NR6A1: variants seen among roughly 807,000 people sequenced by gnomAD.
NR6A1 encodes the protein nuclear receptor subfamily 6 group A member 1, also known as retinoic acid receptor-related testis-associated receptor.
In NR6A1, 7 loss-of-function variants were observed where a neutral mutation model predicts 59.1. The ratio of observed to expected loss-of-function variants is 0.12; its 90% confidence interval spans 0.07 to 0.22. NR6A1 has a LOEUF of 0.22. Ranked by LOEUF, NR6A1 falls within the 10% of genes least tolerant of loss-of-function variation. NR6A1 has a pLI of 1.00. For synonymous variants in NR6A1, 243 were observed against 236.1 expected (o/e 1.03, Z -0.27); for missense variants, 468 against 611.6 (o/e 0.77, Z 2.48).
At chr9:124,662,752 G>A (rs186106558) in intron 2 of NR6A1, among the ~76,000 whole-genome samples, 7 of 152,318 alleles carry the variant, frequency 4.6e-5, no homozygotes, top group African/African-American at 1.7e-4. Context: ...GCTGTCCCAT[G>A]CAGGCTGCTT....
Position 124,733,323 on chromosome 9 carries a change from G to C in NR6A1, c.127C>G (p.Leu43Val). The change falls in exon 2 of 10, where the codon CTT (leucine) becomes GTT (valine). Residue 43 changes from leucine to valine, a missense_variant. Transcript: ENST00000487099. ...NGFCQDELAE[L>V]DPGTISVSDD... Reference sequence around the variant, plus strand: ...GAGAACTTACTAGTGCCTGGGTCAAGCTCTGCCAATTCATCCTGACAGAAA... The same window carrying C: ...GAGAACTTACTAGTGCCTGGGTCAACCTCTGCCAATTCATCCTGACAGAAA... 4 of 1,612,930 alleles carry C rather than the reference G, an allele frequency of 2.5e-6. No homozygotes were observed. Among genetic ancestry groups the C allele is most frequent in the South Asian group, 2.2e-5 (2 of 91,064 alleles).
chr9:124,722,894 T>C (rs1839603511), intron 2 of NR6A1, among the ~76,000 whole-genome samples: 1 of 152,050 alleles, frequency 6.6e-6, no homozygotes, highest in South Asian at 2.1e-4. Flanking sequence ...TTTCATCATG[T>C]TGTCCAGGCT....
Position 124,612,991 on chromosome 9 carries a change from G to A in NR6A1, c.143-58421C>T, listed in dbSNP as rs76355343. Among the ~76,000 whole-genome samples, 461 of 152,252 alleles carry A rather than the reference G, an allele frequency of 3.0e-3. 2 individuals are homozygous for A. Among genetic ancestry groups the A allele is most frequent in the African/African-American group, 0.011 (442 of 41,550 alleles). ...GAATGTACCTTACAGAAGTACTTGT[G>A]CAGGAGTGAGAAGATATTCATGGCA... is the stretch of plus-strand genomic sequence containing the variant. On this transcript the variant is annotated intron_variant, in intron 2 of 9. Coordinates refer to ENST00000487099, the MANE Select transcript of NR6A1 (RefSeq NM_033334.4).
intron 2 of NR6A1, among the ~76,000 whole-genome samples, chr9:124,610,647 A>G (rs1228565245): frequency 6.6e-6 from 1 of 152,104 alleles, no homozygotes; most frequent in African/African-American, 2.4e-5. Context: ...CTACTTTTCA[A>G]TTGTTTGGAA....
chr9:124,712,823 A>G (rs1839316553), intron 2 of NR6A1, among the ~76,000 whole-genome samples: 1 of 152,242 alleles, frequency 6.6e-6, no homozygotes, highest in Non-Finnish European at 1.5e-5. Context: ...GTAATTCACC[A>G]TATTAAGTCT....
At chr9:124,632,595 A>G (rs997032584) in intron 2 of NR6A1, among the ~76,000 whole-genome samples, 1 of 152,152 alleles carries the variant, frequency 6.6e-6, no homozygotes, top group Non-Finnish European at 1.5e-5. Flanking sequence ...TTTTAGATTT[A>G]GGAGAAAGGA....
chr9:124,644,992 A>G (rs1836889913), intron 2 of NR6A1, among the ~76,000 whole-genome samples: 1 of 152,254 alleles, frequency 6.6e-6, no homozygotes. Context: ...GTCATTACAC[A>G]TTTGCCAAAA....
At chr9:124,700,112 A>G (rs1838890927) in intron 2 of NR6A1, among the ~76,000 whole-genome samples, 1 of 151,980 alleles carries the variant, frequency 6.6e-6, no homozygotes, top group African/African-American at 2.4e-5. Flanking sequence ...AGCCTCCCAA[A>G]GTGCTAGGAT....
chr9:124,524,217 G>A (rs1213539909), intron 9 of NR6A1, among the ~76,000 whole-genome samples: 1 of 152,128 alleles, frequency 6.6e-6, no homozygotes, highest in Non-Finnish European at 1.5e-5. Context: ...CCAGCCTCCT[G>A]AGTAGCTGGG....
chr9:124,599,669 C>T, intron 2 of NR6A1: 1 of 1,040,202 alleles, frequency 9.6e-7, no homozygotes, highest in Non-Finnish European at 1.2e-6. Context: ...CTTCCCTCTG[C>T]GTCTGGCCAT....
At chr9:124,596,659 A>T (rs868389820) in intron 2 of NR6A1, among the ~76,000 whole-genome samples, 2 of 152,224 alleles carry the variant, frequency 1.3e-5, no homozygotes, top group African/African-American at 2.4e-5. Context: ...ATAAGATCTT[A>T]AACAATCATC....
chr9:124,598,934 C>T (rs2130817001), intron 2 of NR6A1: 2 of 702,682 alleles, frequency 2.8e-6, no homozygotes, highest in East Asian at 5.5e-5. Flanking sequence ...CTCGTCGTTC[C>T]AGACTCAGGC....
chr9:124,768,571 T>G lies in NR6A1; in HGVS notation c.100+2449A>C, dbSNP rs1359990837. On this transcript the variant is annotated intron_variant, in intron 1 of 9. Coordinates refer to ENST00000487099, the MANE Select transcript of NR6A1 (RefSeq NM_033334.4). ...CAAGCTGCCAAAAGTTCCCATTGTA[T>G]TTTCAGCAAAAAGAAAACATCTGTA... Among the ~76,000 whole-genome samples the G allele has an allele frequency of 2.6e-5, 4 of 152,192 alleles. No individual in the cohort carries two copies. The East Asian group carries it at 5.8e-4, about 22-fold the overall frequency.
chr9:124,641,085 C>G (rs1367460461), intron 2 of NR6A1, among the ~76,000 whole-genome samples: 2 of 152,192 alleles, frequency 1.3e-5, no homozygotes, highest in African/African-American at 4.8e-5. Flanking sequence ...GGTGCAGTGT[C>G]TCACACCTGT....
chr9:124,692,535 G>C (rs768412133), intron 2 of NR6A1: 2 of 525,062 alleles, frequency 3.8e-6, no homozygotes, highest in Non-Finnish European at 7.9e-6. Context: ...ACCGTTGACT[G>C]TACCTTGGGG....
intron 2 of NR6A1, among the ~76,000 whole-genome samples, chr9:124,560,688 G>C (rs1244045798): frequency 2.0e-5 from 3 of 152,136 alleles, no homozygotes; most frequent in African/African-American, 4.8e-5. Flanking sequence ...AGCCTCCCAA[G>C]TAGCTGGGAT....
chr9:124,550,453 C>T (rs753328853), intron 3 of NR6A1, among the ~76,000 whole-genome samples: 7 of 149,118 alleles, frequency 4.7e-5, no homozygotes, highest in Admixed American at 6.7e-5. Flanking sequence ...CTGCAACCTC[C>T]GTCTCCCAGG....
At chr9:124,539,035 C>T (rs750645407) in intron 5 of NR6A1, among the ~76,000 whole-genome samples, 1 of 151,940 alleles carries the variant, frequency 6.6e-6, no homozygotes, top group African/African-American at 2.4e-5. Flanking sequence ...TAGCAAGACT[C>T]CATCTCTTTT....
At chr9:124,593,379 G>A (rs1468227622) in intron 2 of NR6A1, among the ~76,000 whole-genome samples, 1 of 151,930 alleles carries the variant, frequency 6.6e-6, no homozygotes, top group Non-Finnish European at 1.5e-5. Context: ...AACCAACAGG[G>A]TAAAGCAAAC....
Sources: gnomAD v4.1 joint callset for allele counts (sites outside exome capture counted in the v4.1 genomes callset) on GRCh38, gnomAD v4.1.1 for gene constraint, MANE v1.5 for transcripts, NCBI Gene and HGNC (gene_info 2026-07-23, HGNC 2026-07-21) for gene names.